The following NF1 variants were observed in gnomAD, a reference collection of about 807,000 sequenced individuals.
NF1 encodes the protein neurofibromin 1, also known as neurofibromin.
Under a neutral mutation model 325.7 loss-of-function variants are expected in NF1, and 122 were observed. That is an observed-to-expected ratio of 0.37 (90% CI 0.32 to 0.44). The LOEUF is 0.44. NF1 is among the 20% of genes least tolerant of loss of function. The probability of loss-of-function intolerance (pLI) is 1.00; values close to 1 mark genes in which losing one functional copy is unlikely to be tolerated. For synonymous variants in NF1, 1,091 were observed against 1,186.0 expected (o/e 0.92, Z 1.65); for missense variants, 2,140 against 3,415.4 (o/e 0.63, Z 9.31).
At chr17:31,105,830 C>T (rs903931956) in intron 1 of NF1, among the ~76,000 whole-genome samples, 1 of 152,162 alleles carries the variant, frequency 6.6e-6, no homozygotes, top group African/African-American at 2.4e-5. Context: ...TTAACTTTTT[C>T]TGATGAAATT....
chr17:31,101,355 A>G (rs1279495114), intron 1 of NF1, among the ~76,000 whole-genome samples: 1 of 152,104 alleles, frequency 6.6e-6, no homozygotes, highest in East Asian at 1.9e-4. Flanking sequence ...CTTTGTCCCT[A>G]TCCTAGCCAT....
At chr17:31,352,110 G>A (rs1182247937) in intron 50 of NF1, 147 bp from the exon 51 acceptor site, 2 of 715,140 alleles carry the variant, frequency 2.8e-6, no homozygotes, top group African/African-American at 3.5e-5. Context: ...TACACCAAGA[G>A]TTTGTATCCT....
chr17:31,317,453 A>G (rs1267703699), intron 36 of NF1: 3 of 151,984 alleles, frequency 2.0e-5, no homozygotes, highest in African/African-American at 7.2e-5. Flanking sequence ...CCAAAAATTA[A>G]TCAACCTTTG....
intron 40 of NF1, among the ~76,000 whole-genome samples, chr17:31,335,976 G>A (rs1567616507): frequency 6.6e-6 from 1 of 151,666 alleles, no homozygotes; most frequent in Non-Finnish European, 1.5e-5. Flanking sequence ...ACAAGCGTGA[G>A]CCACTGCACC....
At chr17:31,190,912 T>C (rs1391242729) in intron 8 of NF1, among the ~76,000 whole-genome samples, 1 of 152,212 alleles carries the variant, frequency 6.6e-6, no homozygotes, top group Non-Finnish European at 1.5e-5. Context: ...TCAGGTATTC[T>C]TACCTTCTCT....
chr17:31,104,836 A>T (rs905454680), intron 1 of NF1, among the ~76,000 whole-genome samples: 1 of 152,238 alleles, frequency 6.6e-6, no homozygotes, highest in African/African-American at 2.4e-5. Flanking sequence ...CCATTTGACC[A>T]CTTCAAATGT....
Position 31,352,341 on chromosome 17 carries a change from C to A in NF1, c.7542C>A (p.Thr2514=), listed in dbSNP as rs1444018213. 6.2e-7 allele frequency: 1 copy of A among 1,614,018 alleles called. No homozygotes were observed. The highest frequency in any genetic ancestry group is 8.5e-7 in the Non-Finnish European group (1 of 1,180,034). The change falls in exon 51 of 58, where the codon ACC becomes ACA. Residue 2514 remains threonine, a synonymous_variant. Coordinates refer to ENST00000358273, the MANE Select transcript of NF1 (RefSeq NM_001042492.3). Reference sequence around the variant, plus strand: ...CCACCTATCCAACTGTCGGCCAGACCAGTCCCCGAGCCAGGAAATCCATGA... The same window carrying A: ...CCACCTATCCAACTGTCGGCCAGACAAGTCCCCGAGCCAGGAAATCCATGA... ...LAATYPTVGQ[T]SPRARKSMSL...
At chr17:31,204,081 T>C (rs148871858) in intron 11 of NF1, among the ~76,000 whole-genome samples, 1 of 152,234 alleles carries the variant, frequency 6.6e-6, no homozygotes, top group East Asian at 1.9e-4. Context: ...AAGATCTATG[T>C]TATATGCATA....
intron 57 of NF1, among the ~76,000 whole-genome samples, chr17:31,364,062 GA>G (rs2070460317): frequency 6.6e-6 from 1 of 152,174 alleles, no homozygotes; most frequent in Non-Finnish European, 1.5e-5. Context: ...TTATGGCGTT[GA>G]GTTTGCTTAT....
intron 36 of NF1, among the ~76,000 whole-genome samples, chr17:31,290,878 T>G (rs977198871): frequency 6.6e-6 from 1 of 151,098 alleles, no homozygotes; most frequent in African/African-American, 2.5e-5. Context: ...TGGTGGCACA[T>G]ACCTGTAGTC....
At chr17:31,356,878 G>A (rs2151581827) in intron 52 of NF1, 82 bp from the exon 53 acceptor site, 13 of 1,574,006 alleles carry the variant, frequency 8.3e-6, no homozygotes, top group Non-Finnish European at 1.1e-5. Context: ...GAAAGCTGTT[G>A]AATTTTAGAA....
intron 7 of NF1, among the ~76,000 whole-genome samples, chr17:31,182,090 T>A (rs914126503): frequency 2.2e-4 from 34 of 152,314 alleles, no homozygotes; most frequent in African/African-American, 7.7e-4. Context: ...TTATTTTGTA[T>A]TTAGGGAGAT....
intron 36 of NF1, among the ~76,000 whole-genome samples, chr17:31,312,201 G>A (rs1454724336): frequency 6.6e-6 from 1 of 151,658 alleles, no homozygotes; most frequent in East Asian, 1.9e-4. Flanking sequence ...TTTAGATTTG[G>A]GACTAACCCT....
Position 31,334,917 on chromosome 17 carries a change from T to C in NF1, c.5892T>C (p.Asp1964=), listed in dbSNP as rs113768154. The part of the protein sequence containing the change: ...SNLVRFCKHN[D]DAKRQRVTAI... ...TAGTTCGTTTTTGCAAGCATAATGA[T>C]GATGCCAAACGACAAAGAGTTACTG... The change falls in exon 40 of 58, where the codon GAT becomes GAC. Residue 1964 remains aspartate (D), a synonymous_variant. Coordinates refer to ENST00000358273, the MANE Select transcript of NF1 (RefSeq NM_001042492.3). 6.2e-7 allele frequency: 1 copy of C among 1,613,942 alleles called. No individual in the cohort carries two copies. Among genetic ancestry groups the C allele is most frequent in the South Asian group, 1.1e-5 (1 of 91,076 alleles).
chr17:31,357,341 G>A lies in NF1; in HGVS notation c.7942G>A (p.Val2648Ile). Residue 2648 changes from valine (V) to isoleucine (I), a missense_variant, in exon 54 of 58, where the codon GTT becomes ATT. Val to Ile is a conservative substitution (Grantham distance 29, BLOSUM62 3). Transcript: ENST00000358273. The stretch of plus-strand genomic sequence containing the variant: ...TTATGAATACTTAGCAGAGGCCAGT[G>A]TTGTGTTTCCCAAAGTCTTTCCTGT... ...ILYEYLAEAS[V>I]VFPKVFPVVH... 1 of 1,613,890 alleles carries A rather than the reference G, an allele frequency of 6.2e-7. No homozygotes were observed. The highest frequency in any genetic ancestry group is 8.5e-7 in the Non-Finnish European group (1 of 1,179,806).
At chr17:31,322,343 G>T (rs748593847) in intron 36 of NF1, among the ~76,000 whole-genome samples, 2 of 151,206 alleles carry the variant, frequency 1.3e-5, no homozygotes, top group East Asian at 1.9e-4. Context: ...AACCAGGCAG[G>T]GTAGCATGCA....
Position 31,227,288 on chromosome 17 carries a change from T to C in NF1, c.2322T>C (p.Thr774=), listed in dbSNP as rs770111990. 6.2e-7 allele frequency: 1 copy of C among 1,613,704 alleles called. No homozygotes were observed. Among genetic ancestry groups the C allele is most frequent in the Non-Finnish European group, 8.5e-7 (1 of 1,179,656 alleles). Residue 774 remains threonine (T), a synonymous_variant, in exon 19 of 58, where the codon ACT becomes ACC. Coordinates refer to ENST00000358273, the MANE Select transcript of NF1 (RefSeq NM_001042492.3). ...TTGAGCATCCCACTGCAGGAAACAC[T>C]GAGGTATGCCCTTAGCAACAGAAAC... ...RRIEHPTAGN[T]EAWEDTHAKW... is the part of the protein sequence containing the mutation.
At chr17:31,185,754 C>T (rs1217091137) in intron 8 of NF1, among the ~76,000 whole-genome samples, 1 of 152,168 alleles carries the variant, frequency 6.6e-6, no homozygotes, top group Non-Finnish European at 1.5e-5. Flanking sequence ...GAAGGCTCTG[C>T]AACAGGTCCA....
At chr17:31,174,754 A>G (rs561570706) in intron 5 of NF1, among the ~76,000 whole-genome samples, 1 of 152,320 alleles carries the variant, frequency 6.6e-6, no homozygotes, top group African/African-American at 2.4e-5. Flanking sequence ...AATTAAGTGT[A>G]TCATACTAAA....
Sources: allele counts gnomAD v4.1 joint callset (sites outside exome capture counted in the v4.1 genomes callset), GRCh38; gene constraint gnomAD v4.1.1; transcripts MANE v1.5; gene names NCBI Gene and HGNC (gene_info 2026-07-23, HGNC 2026-07-21).